Variants in ZNF385D observed in about 807,000 individuals in gnomAD.
ZNF385D encodes zinc finger protein 659.
In ZNF385D, 15 loss-of-function variants were observed where a neutral mutation model predicts 35.8. The observed-to-expected ratio is 0.42, with a 90% CI of 0.28 to 0.64. The LOEUF (loss-of-function observed/expected upper bound fraction) is 0.64. Among genes scored for constraint, ZNF385D ranks in the 30% least tolerant of loss-of-function variants. The probability of loss-of-function intolerance (pLI) is 0.23; values close to 1 mark genes in which losing one functional copy is unlikely to be tolerated. For synonymous variants in ZNF385D, 212 were observed against 186.8 expected (o/e 1.13, Z -1.10); for missense variants, 474 against 494.6 (o/e 0.96, Z 0.39).
chr3:22,138,511 C>T (rs1349102618), intron 3 of ZNF385D, among the ~76,000 whole-genome samples: 6 of 151,454 alleles, frequency 4.0e-5, no homozygotes, highest in Admixed American at 2.0e-4. Flanking sequence ...GAAATAATGC[C>T]ACATATCTAC....
intron 2 of ZNF385D, among the ~76,000 whole-genome samples, chr3:22,215,283 G>C (rs1056105672): frequency 6.6e-6 from 1 of 152,064 alleles, no homozygotes; most frequent in Non-Finnish European, 1.5e-5. Flanking sequence ...AGGAACAAGA[G>C]AGATAACCTT....
chr3:22,193,187 AC>A (rs1228947186), intron 2 of ZNF385D, among the ~76,000 whole-genome samples: 1 of 152,168 alleles, frequency 6.6e-6, no homozygotes, highest in Non-Finnish European at 1.5e-5. Flanking sequence ...TTGAGGAAGT[AC>A]TTTATTTGAC....
rs150330844 is a variant in ZNF385D, at chr3:21,746,565, T to A, written c.22+4330A>T. On this transcript the variant is annotated intron_variant, in intron 1 of 7. Transcript: ENST00000281523. The stretch of plus-strand genomic sequence containing the variant: ...AGTAATTTATTGCATGTAATTTAGA[T>A]GTATTTGTAATAAGACATAATGGTC... 2.7e-3 allele frequency among the ~76,000 whole-genome samples: 405 copies of A among 152,328 alleles called. 5 individuals carry two copies. The highest frequency in any genetic ancestry group is 9.4e-3 in the African/African-American group (391 of 41,574).
intron 3 of ZNF385D, among the ~76,000 whole-genome samples, chr3:21,917,164 G>A (rs1246787674): frequency 6.6e-6 from 1 of 152,170 alleles, no homozygotes; most frequent in African/African-American, 2.4e-5. Context: ...TGGTGCGGTG[G>A]CTCATGGCTG....
intron 3 of ZNF385D, among the ~76,000 whole-genome samples, chr3:21,881,794 G>A (rs1698289907): frequency 6.6e-6 from 1 of 151,988 alleles, no homozygotes; most frequent in Non-Finnish European, 1.5e-5. Context: ...AATCATGGGA[G>A]CAGGTAAAAA....
At chr3:22,207,378 C>T (rs969494230) in intron 2 of ZNF385D, among the ~76,000 whole-genome samples, 2 of 151,892 alleles carry the variant, frequency 1.3e-5, no homozygotes, top group East Asian at 3.9e-4. Flanking sequence ...CTATGAAAAA[C>T]TGGACACGCA....
intron 2 of ZNF385D, among the ~76,000 whole-genome samples, chr3:22,368,686 T>G (rs1696767182): frequency 6.6e-6 from 1 of 152,176 alleles, no homozygotes; most frequent in Non-Finnish European, 1.5e-5. Flanking sequence ...CTTCCTCATC[T>G]TATAAGAGCA....
At chr3:21,622,850 A>G (rs1434009523) in intron 2 of ZNF385D, among the ~76,000 whole-genome samples, 1 of 152,078 alleles carries the variant, frequency 6.6e-6, no homozygotes, top group Non-Finnish European at 1.5e-5. Context: ...TGTTCTTTCA[A>G]CATGATTTAT....
chr3:22,190,369 G>A (rs1169180306), intron 2 of ZNF385D, among the ~76,000 whole-genome samples: 1 of 152,132 alleles, frequency 6.6e-6, no homozygotes, highest in Non-Finnish European at 1.5e-5. Context: ...ATAGTAAATA[G>A]GTTTTGTTGC....
intron 3 of ZNF385D, among the ~76,000 whole-genome samples, chr3:21,949,152 C>A (rs598684): frequency 0.26 from 39,416 of 151,938 alleles, 5,811 homozygotes; most frequent in Admixed American, 0.41. Flanking sequence ...TTAATTTTTT[C>A]TTGGAAACTT....
chr3:22,109,389 C>T (rs62246419), intron 3 of ZNF385D, among the ~76,000 whole-genome samples: 19,816 of 152,186 alleles, frequency 0.13, 1,505 homozygotes, highest in Middle Eastern at 0.22. Context: ...TAATGTATCA[C>T]AGCTTATAGC....
chr3:21,455,225 G>GA (rs1190106071), intron 4 of ZNF385D, among the ~76,000 whole-genome samples: 1 of 152,208 alleles, frequency 6.6e-6, no homozygotes, highest in South Asian at 2.1e-4. Context: ...CATAGAATTG[G>GA]AAAAAACTAT....
chr3:22,280,357 T>C (rs1042721979), intron 2 of ZNF385D, among the ~76,000 whole-genome samples: 2 of 150,900 alleles, frequency 1.3e-5, no homozygotes, highest in Non-Finnish European at 2.9e-5. Context: ...TAAGCCATTG[T>C]CTAGAAGGGT....
chr3:21,659,738 T>A (rs182852104), intron 2 of ZNF385D, among the ~76,000 whole-genome samples: 39 of 152,270 alleles, frequency 2.6e-4, no homozygotes, highest in African/African-American at 9.4e-4. Context: ...CCTCAGGGCC[T>A]AACACATAGT....
chr3:21,925,126 A>T (rs1327919719), intron 3 of ZNF385D, among the ~76,000 whole-genome samples: 1 of 152,244 alleles, frequency 6.6e-6, no homozygotes, highest in Non-Finnish European at 1.5e-5. Context: ...TCTTAGCAAG[A>T]CTTTTATAGG....
chr3:22,001,620 A>C (rs1695850450), intron 3 of ZNF385D, among the ~76,000 whole-genome samples: 1 of 152,156 alleles, frequency 6.6e-6, no homozygotes, highest in Non-Finnish European at 1.5e-5. Context: ...ATTACACCAA[A>C]TGGATCTAAC....
At chr3:22,197,006 A>G (rs910890502) in intron 2 of ZNF385D, among the ~76,000 whole-genome samples, 1 of 151,960 alleles carries the variant, frequency 6.6e-6, no homozygotes, top group African/African-American at 2.4e-5. Context: ...AGGTATTTCT[A>G]TTTCTCAATT....
chr3:21,952,452 G>T (rs896481428), intron 3 of ZNF385D, among the ~76,000 whole-genome samples: 8 of 151,964 alleles, frequency 5.3e-5, no homozygotes, highest in Admixed American at 5.3e-4. Context: ...GCCACAACCT[G>T]ATATCAGAAT....
chr3:22,192,280 C>T (rs1243648716), intron 2 of ZNF385D, among the ~76,000 whole-genome samples: 1 of 152,116 alleles, frequency 6.6e-6, no homozygotes, highest in Non-Finnish European at 1.5e-5. Flanking sequence ...CAATGAGTTG[C>T]CAATAGCCTT....
Sources: allele counts gnomAD v4.1 joint callset (sites outside exome capture counted in the v4.1 genomes callset), GRCh38; gene constraint gnomAD v4.1.1; transcripts MANE v1.5; gene names NCBI Gene and HGNC (gene_info 2026-07-23, HGNC 2026-07-21).